CACNA1B: variants seen among roughly 807,000 people sequenced by gnomAD.
CACNA1B encodes the protein calcium voltage-gated channel subunit alpha1 B.
Under a neutral mutation model 247.2 loss-of-function variants are expected in CACNA1B, and 70 were observed. The ratio of observed to expected loss-of-function variants is 0.28; its 90% CI spans 0.23 to 0.35. The LOEUF (loss-of-function observed/expected upper bound fraction) is 0.35, where lower values mean the gene tolerates loss of function less well. Among genes scored for constraint, CACNA1B ranks in the 10% least tolerant of loss-of-function variants. The probability of loss-of-function intolerance (pLI) is 1.00; values close to 1 mark genes in which losing one functional copy is unlikely to be tolerated. For missense variants in CACNA1B, 2,367 were observed against 3,197.4 expected (o/e 0.74, Z 6.26); for synonymous variants, 1,231 against 1,294.4 (o/e 0.95, Z 1.05).
chr9:138,118,803 G>A, intron 44 of CACNA1B, 35 bp downstream of exon 44: 1 of 954,618 alleles, frequency 1.0e-6, no homozygotes, highest in Non-Finnish European at 1.6e-6. Flanking sequence ...CCCTGGGCTG[G>A]GCAAGTGGGG....
intron 15 of CACNA1B, among the ~76,000 whole-genome samples, chr9:137,993,460 A>T (rs1030820129): frequency 2.6e-5 from 4 of 152,134 alleles, no homozygotes; most frequent in Admixed American, 1.3e-4. Flanking sequence ...TTAACCAATA[A>T]AATAAGGGAG....
chr9:138,099,270 A>C (rs947517613), intron 37 of CACNA1B, among the ~76,000 whole-genome samples: 9 of 152,228 alleles, frequency 5.9e-5, no homozygotes, highest in African/African-American at 2.2e-4. Flanking sequence ...TTTTGTGCAC[A>C]TGTGCATGCA....
At chr9:137,956,711 T>C (rs1395497830) in intron 8 of CACNA1B, 60 bp from the exon 9 acceptor site, 1 of 1,440,516 alleles carries the variant, frequency 6.9e-7, no homozygotes, top group African/African-American at 1.4e-5. Context: ...GATGTGCCTC[T>C]GTCCTGGGGC....
At position 138,096,446 on chromosome 9, in the gene CACNA1B, G is replaced by T. The variant is rs191569945; in HGVS notation, c.5095-38G>T. Reference sequence around the variant, plus strand: ...GGGGCGGCGGGGAGGGCAGGCTGAGGTCTCTCTCCGTCACCTGTTCTCCTT... The same window carrying T: ...GGGGCGGCGGGGAGGGCAGGCTGAGTTCTCTCTCCGTCACCTGTTCTCCTT... On this transcript the variant is annotated intron_variant, in intron 36 of 46. Transcript: ENST00000371372. 1.1e-5 allele frequency: 17 copies of T among 1,599,278 alleles called. No homozygotes were observed. The Admixed American group carries it at 2.5e-4, about 24-fold the overall frequency.
chr9:137,949,148 C>CTG (rs570885936), intron 6 of CACNA1B, among the ~76,000 whole-genome samples: 270 of 642 alleles, frequency 0.42, 59 homozygotes, highest in Middle Eastern at 0.5. Context: ...TGTATCTGTG[C>CTG]ATGTGTGTGG....
At chr9:137,970,957 G>T (rs545976821) in intron 10 of CACNA1B, among the ~76,000 whole-genome samples, 1 of 152,226 alleles carries the variant, frequency 6.6e-6, no homozygotes, top group East Asian at 1.9e-4. Flanking sequence ...AGTCCGGAGG[G>T]CGAGAGAGGG....
At position 137,925,805 on chromosome 9, in the gene CACNA1B, C is replaced by T. The variant is rs113322971; in HGVS notation, c.966+8374C>T. On this transcript the variant is annotated intron_variant, in intron 6 of 46. Transcript: ENST00000371372. ...TCGCCCAGGCTGGAGTGCAGTGGTG[C>T]AATCTCGGCTCACTGCAAGCTCCCC... Among the ~76,000 whole-genome samples the T allele has an allele frequency of 7.8e-3, 1,170 of 150,530 alleles. 6 individuals are homozygous for T. The highest frequency in any genetic ancestry group is 0.012 in the South Asian group (59 of 4,756).
intron 26 of CACNA1B, among the ~76,000 whole-genome samples, chr9:138,055,503 T>A (rs1209887326): frequency 6.6e-6 from 1 of 152,200 alleles, no homozygotes; most frequent in Non-Finnish European, 1.5e-5. Flanking sequence ...ATATCCTGTT[T>A]AAGAAATCTA....
rs1959661743 is a variant in CACNA1B at position 138,059,855 on chromosome 9, C to G, written c.4668+118C>G. On this transcript the variant is annotated intron_variant, in intron 31 of 46. Transcript: ENST00000371372. The surrounding 1 kb of genome is among the most constrained non-coding windows in gnomAD (Gnocchi z 4.2). Reference sequence around the variant, plus strand: ...CTCTTCCTGGGTTCCGCAGAACCCCCTGGACATGTGGAGGCTTCGCTCCAG... The same window carrying G: ...CTCTTCCTGGGTTCCGCAGAACCCCGTGGACATGTGGAGGCTTCGCTCCAG... The G allele has an allele frequency of 1.2e-5, 8 of 685,046 alleles. No homozygotes were observed. The highest frequency in any genetic ancestry group is 2.6e-5 in the East Asian group (1 of 39,150). 42.4% of individuals were successfully genotyped at this position (685,046 alleles called of 1,614,324 possible). A position where few individuals can be genotyped will look rare whatever the true frequency, so the allele number is the denominator to read the frequency against.
chr9:138,049,200 C>G lies in CACNA1B; in HGVS notation c.3604-9C>G. On this transcript the variant is annotated splice_polypyrimidine_tract_variant and intron_variant, in intron 23 of 46. Transcript: ENST00000371372. The stretch of plus-strand genomic sequence containing the variant: ...TATGACGTATCTAACGTGTGTTTCT[C>G]CCTCCTAGATGATCGACTTGGGACT... The G allele has an allele frequency of 6.4e-7, 1 of 1,567,184 alleles. No individual in the cohort carries two copies.
At position 138,023,112 on chromosome 9, in the gene CACNA1B, A is replaced by T. The variant is rs1171442373; in HGVS notation, c.2369A>T (p.Glu790Val). The change falls in exon 19 of 47, where the codon GAG becomes GTG. Residue 790 changes from glutamate to valine, a missense_variant. Coordinates refer to ENST00000371372, the MANE Select transcript of CACNA1B (RefSeq NM_000718.4). ...LRASCEALYS[E>V]MDPEERLRFA... ...GCCAGCTGCGAGGCGCTGTACAGCG[A>T]GATGGACCCCGAGGAGCGGCTGCGC... 4 of 1,535,852 alleles carry T rather than the reference A, an allele frequency of 2.6e-6. No homozygotes were observed. The African/African-American group carries it at 5.6e-5, about 21-fold the overall frequency.
chr9:137,879,562 G>T (rs1223881650), intron 2 of CACNA1B, among the ~76,000 whole-genome samples: 1 of 152,268 alleles, frequency 6.6e-6, no homozygotes, highest in Non-Finnish European at 1.5e-5. Context: ...CTTTGGCCTG[G>T]ATGTGGGAAC....
At position 138,023,222 on chromosome 9, in the gene CACNA1B, CG is replaced by C; in HGVS notation, c.2484del (p.Val830TrpfsTer179). 5.3e-6 allele frequency: 8 copies of C among 1,510,572 alleles called. No homozygotes were observed. The highest frequency in any genetic ancestry group is 2.6e-5 in the East Asian group (1 of 38,732). The allele number at this position is 1,510,572 out of a possible 1,614,324, so 93.6% of individuals were successfully genotyped here. ...GGTGGAGCTGGGCCGCGACGGCGCG[CG>C]GGGGCCCGTGGGAGGCAAAGCCCGA... is the stretch of plus-strand genomic sequence containing the variant. ...LVVELGRDGA[R>X]GPVGGKARPE... is the part of the protein sequence containing the mutation. On this transcript the variant is annotated frameshift_variant, in exon 19 of 47. Coordinates refer to ENST00000371372, the MANE Select transcript of CACNA1B (RefSeq NM_000718.4). LOFTEE classifies it high-confidence loss of function.
chr9:138,040,533 T>TA, intron 20 of CACNA1B: 1 of 425,726 alleles, frequency 2.3e-6, no homozygotes, highest in Non-Finnish European at 4.7e-6. Flanking sequence ...AGTATTAACT[T>TA]ACATGATCAC....
chr9:137,977,909 C>T (rs988299320), intron 12 of CACNA1B, among the ~76,000 whole-genome samples: 1 of 151,202 alleles, frequency 6.6e-6, no homozygotes, highest in African/African-American at 2.4e-5. Context: ...GTGCACTACC[C>T]CCGCAGGAAG....
Position 138,059,594 on chromosome 9 carries a change from C to T in CACNA1B, c.4585-60C>T. Reference sequence around the variant, plus strand: ...TAATCAGGGCCACCACCTATATATACCTCTTTGCCAACAGAGCCCTCATCA... The same window carrying T: ...TAATCAGGGCCACCACCTATATATATCTCTTTGCCAACAGAGCCCTCATCA... On this transcript the variant is annotated intron_variant, in intron 30 of 46. Coordinates refer to ENST00000371372, the MANE Select transcript of CACNA1B (RefSeq NM_000718.4). The surrounding 1 kb of genome is among the most constrained non-coding windows in gnomAD (Gnocchi z 4.2). 1.0e-6 allele frequency: 1 copy of T among 973,240 alleles called. No homozygotes were observed. The highest frequency in any genetic ancestry group is 2.4e-5 in the East Asian group (1 of 42,016). The allele number at this position is 973,240 out of a possible 1,614,324, so 60.3% of individuals were successfully genotyped here.
At chr9:137,925,592 T>C (rs1215328398) in intron 6 of CACNA1B, among the ~76,000 whole-genome samples, 2 of 152,232 alleles carry the variant, frequency 1.3e-5, no homozygotes, top group Non-Finnish European at 2.9e-5. Flanking sequence ...CCAACTCCCT[T>C]ATTAGTTCTG....
intron 20 of CACNA1B, among the ~76,000 whole-genome samples, chr9:138,036,625 C>T (rs906039657): frequency 6.6e-6 from 1 of 152,174 alleles, no homozygotes; most frequent in African/African-American, 2.4e-5. Flanking sequence ...TGTTGAGAAG[C>T]CAGTCATTCG....
chr9:138,122,296 T>G lies in CACNA1B; in HGVS notation c.*297T>G. The G allele has an allele frequency of 2.3e-6, 1 of 442,614 alleles. No homozygotes were observed. Among genetic ancestry groups the G allele is most frequent in the Non-Finnish European group, 4.1e-6 (1 of 244,730 alleles). 27.4% of individuals were successfully genotyped at this position (442,614 alleles called of 1,614,324 possible). A position where few individuals can be genotyped will look rare whatever the true frequency, so the allele number is the denominator to read the frequency against. The stretch of plus-strand genomic sequence containing the variant: ...GCTGAGAAGGACCCAGGAGTCCAAA[T>G]CCCGTGTCCTGGGACTCAGCATCCA... On this transcript the variant is annotated 3_prime_UTR_variant, in exon 47 of 47. Coordinates refer to ENST00000371372, the MANE Select transcript of CACNA1B (RefSeq NM_000718.4).
Sources: allele counts gnomAD v4.1 joint callset (sites outside exome capture counted in the v4.1 genomes callset), GRCh38; gene constraint gnomAD v4.1.1; non-coding constraint Gnocchi (gnomAD v3.1); transcripts MANE v1.5; gene names NCBI Gene and HGNC (gene_info 2026-07-23, HGNC 2026-07-21).